ASPH: variants seen among roughly 807,000 people sequenced by gnomAD.
ASPH encodes aspartate beta-hydroxylase.
A neutral mutation model predicts 118.4 loss-of-function variants in ASPH; 100 were observed. The observed-to-expected ratio is 0.84, with a 90% CI of 0.72 to 1.00. ASPH has a LOEUF of 1.00. Among genes scored for constraint, ASPH ranks in the 50% least tolerant of loss-of-function variants. The pLI is 0.00. For synonymous variants in ASPH, 315 were observed against 325.6 expected (o/e 0.97, Z 0.35); for missense variants, 920 against 919.5 (o/e 1.00, Z -0.01).
chr8:61,583,387 C>A (rs1252729133), intron 15 of ASPH: 2 of 152,338 alleles, frequency 1.3e-5, no homozygotes, highest in Non-Finnish European at 2.9e-5. Context: ...TGGTGAAACC[C>A]TGTCTCTACT....
chr8:61,560,885 G>A (rs1295798206), intron 18 of ASPH, among the ~76,000 whole-genome samples: 2 of 151,820 alleles, frequency 1.3e-5, no homozygotes, highest in African/African-American at 2.4e-5. Flanking sequence ...AAACGTGCTT[G>A]CACCCAGTCA....
intron 22 of ASPH, among the ~76,000 whole-genome samples, chr8:61,520,359 G>C (rs148510655): frequency 2.6e-5 from 4 of 152,320 alleles, no homozygotes; most frequent in Non-Finnish European, 5.9e-5. Context: ...TCCTAAAAGA[G>C]ACTGCTACAT....
At chr8:61,642,698 A>C (rs1805745407) in intron 10 of ASPH, among the ~76,000 whole-genome samples, 190 bp downstream of exon 10, 1 of 152,128 alleles carries the variant, frequency 6.6e-6, no homozygotes, top group Non-Finnish European at 1.5e-5. Context: ...ATACAAAATT[A>C]GCTAAGCGTG....
intron 5 of ASPH, 74 bp from the exon 6 acceptor site, chr8:61,646,952 C>T (rs1808350770): frequency 6.3e-7 from 1 of 1,588,818 alleles, no homozygotes; most frequent in Non-Finnish European, 8.6e-7. Context: ...GGCTGCCACA[C>T]ACCTGCTCCT....
intron 14 of ASPH, among the ~76,000 whole-genome samples, chr8:61,588,731 G>A (rs780152396): frequency 1.3e-5 from 2 of 152,110 alleles, no homozygotes; most frequent in Non-Finnish European, 2.9e-5. Flanking sequence ...TAAATTCACT[G>A]GGATGCCCTC....
chr8:61,521,941 A>G (rs965943491), intron 22 of ASPH, among the ~76,000 whole-genome samples: 1 of 152,194 alleles, frequency 6.6e-6, no homozygotes, highest in Non-Finnish European at 1.5e-5. Flanking sequence ...GCAGCCACCT[A>G]GAACACTGCG....
rs531007976 is a variant in ASPH, at chr8:61,635,415, A to G, written c.890-1688T>C. Reference sequence around the variant, plus strand: ...ACGACAATGGCTCCCAAATGTTTATATTCATCTTAAAACTCACCCAACTAG... The same window carrying G: ...ACGACAATGGCTCCCAAATGTTTATGTTCATCTTAAAACTCACCCAACTAG... On this transcript the variant is annotated intron_variant, in intron 12 of 24. Transcript: ENST00000379454. Among the ~76,000 whole-genome samples the G allele has an allele frequency of 4.3e-4, 66 of 152,172 alleles. No individual in the cohort carries two copies. In the South Asian group the frequency reaches 0.013, roughly 30 times the overall value.
At chr8:61,569,414 G>A (rs538273666) in intron 16 of ASPH, among the ~76,000 whole-genome samples, 2 of 152,224 alleles carry the variant, frequency 1.3e-5, no homozygotes, top group African/African-American at 2.4e-5. Flanking sequence ...AATGTGTGCT[G>A]TAGTTAATAT....
At chr8:61,671,545 T>A (rs556718462) in intron 3 of ASPH, among the ~76,000 whole-genome samples, 1 of 152,308 alleles carries the variant, frequency 6.6e-6, no homozygotes, top group African/African-American at 2.4e-5. Context: ...CAAAGCAGCA[T>A]TAGGATGTGC....
At chr8:61,528,519 C>T (rs1411735363) in intron 21 of ASPH, among the ~76,000 whole-genome samples, 1 of 152,090 alleles carries the variant, frequency 6.6e-6, no homozygotes, top group Non-Finnish European at 1.5e-5. Context: ...ACAACCTATT[C>T]CTTTATTCCC....
chr8:61,532,201 C>G (rs1359615574), intron 21 of ASPH, among the ~76,000 whole-genome samples: 1 of 152,098 alleles, frequency 6.6e-6, no homozygotes, highest in Admixed American at 6.6e-5. Flanking sequence ...ACACTTGTTA[C>G]CTCATTTTTT....
At position 61,579,165 on chromosome 8, in the gene ASPH, C is replaced by A; in HGVS notation, c.1063-2307G>T. ...CTCTGAGATGAACTGGAACATCAGCCAGCTCCAGGCTGAGATTGAGGGCCT... is the reference window on the plus strand; with the variant it reads ...CTCTGAGATGAACTGGAACATCAGCAAGCTCCAGGCTGAGATTGAGGGCCT... On this transcript the variant is annotated intron_variant, in intron 15 of 24. Transcript: ENST00000379454. The A allele has an allele frequency of 1.9e-6, 3 of 1,612,162 alleles. No individual in the cohort carries two copies. The South Asian group carries it at 3.3e-5, about 18-fold the overall frequency.
intron 1 of ASPH, among the ~76,000 whole-genome samples, chr8:61,705,821 T>G (rs112448656): frequency 0.029 from 4,394 of 151,872 alleles, 76 homozygotes; most frequent in South Asian, 0.054. Flanking sequence ...TACAGGCACA[T>G]GTAAATGTTT....
chr8:61,503,845 T>C (rs1290127508), intron 24 of ASPH, among the ~76,000 whole-genome samples: 1 of 152,240 alleles, frequency 6.6e-6, no homozygotes, highest in Non-Finnish European at 1.5e-5. Flanking sequence ...ATATGGGCAG[T>C]GACTGGGTCT....
At chr8:61,630,648 G>C (rs1287923490) in intron 13 of ASPH, among the ~76,000 whole-genome samples, 1 of 152,186 alleles carries the variant, frequency 6.6e-6, no homozygotes, top group East Asian at 1.9e-4. Flanking sequence ...ACTCATGTGT[G>C]TGGTGATGCT....
chr8:61,593,026 T>A (rs1213091463), intron 14 of ASPH, among the ~76,000 whole-genome samples: 1 of 152,186 alleles, frequency 6.6e-6, no homozygotes, highest in Non-Finnish European at 1.5e-5. Flanking sequence ...GCGGGGGATG[T>A]GGGTAGGCGC....
At chr8:61,679,068 A>AT (rs1183326782) in intron 3 of ASPH, among the ~76,000 whole-genome samples, 31 of 152,170 alleles carry the variant, frequency 2.0e-4, no homozygotes, top group African/African-American at 7.5e-4. Context: ...TTAAGGTTGC[A>AT]TTTCATGCAG....
intron 22 of ASPH, among the ~76,000 whole-genome samples, chr8:61,521,827 T>C (rs1813146998): frequency 6.6e-6 from 1 of 152,236 alleles, no homozygotes; most frequent in Non-Finnish European, 1.5e-5. Flanking sequence ...GTGAGGGCTA[T>C]TCATGGAACT....
At chr8:61,582,951 C>A (rs920905139) in intron 15 of ASPH, 2 of 152,086 alleles carry the variant, frequency 1.3e-5, no homozygotes, top group African/African-American at 4.8e-5. Context: ...TATTTTTGCA[C>A]CCGATGATTA....
Sources: gnomAD v4.1 joint callset for allele counts (sites outside exome capture counted in the v4.1 genomes callset) on GRCh38, gnomAD v4.1.1 for gene constraint, MANE v1.5 for transcripts, NCBI Gene and HGNC (gene_info 2026-07-23, HGNC 2026-07-21) for gene names.